SRGAP1: variants seen among roughly 807,000 people sequenced by gnomAD.
The protein encoded by SRGAP1 is SLIT-ROBO Rho GTPase-activating protein 1.
Under a neutral mutation model 121.9 loss-of-function variants are expected in SRGAP1, and 43 were observed. The observed-to-expected ratio is 0.35, with a 90% CI of 0.28 to 0.46. The LOEUF is 0.46. Ranked by LOEUF, SRGAP1 falls within the 20% of genes least tolerant of loss-of-function variation. The pLI is 1.00. For missense variants in SRGAP1, 1,102 were observed against 1,350.9 expected (o/e 0.82, Z 2.89); for synonymous variants, 447 against 485.4 (o/e 0.92, Z 1.04).
chr12:64,108,087 A>G (rs2036374757), intron 15 of SRGAP1, among the ~76,000 whole-genome samples: 1 of 152,218 alleles, frequency 6.6e-6, no homozygotes, highest in Non-Finnish European at 1.5e-5. Flanking sequence ...TGCCTACTGC[A>G]AAGTTTATTA....
intron 1 of SRGAP1, among the ~76,000 whole-genome samples, chr12:63,900,566 A>G (rs1277739037): frequency 6.6e-6 from 1 of 151,888 alleles, no homozygotes; most frequent in African/African-American, 2.4e-5. Context: ...TAATCGCAGC[A>G]CTTTGGGAGG....
intron 11 of SRGAP1, among the ~76,000 whole-genome samples, chr12:64,089,737 A>T (rs2036013321): frequency 2.0e-5 from 3 of 152,136 alleles, no homozygotes; most frequent in Admixed American, 2.0e-4. Context: ...ACACTTGCAA[A>T]GGCTTCTTTT....
At chr12:63,990,685 G>T (rs902557885) in intron 3 of SRGAP1, among the ~76,000 whole-genome samples, 3 of 152,180 alleles carry the variant, frequency 2.0e-5, no homozygotes, top group African/African-American at 4.8e-5. Context: ...AGATGTTCCT[G>T]CAAATTGTAC....
chr12:64,140,669 TG>T lies in SRGAP1; in HGVS notation c.2881-1624del, dbSNP rs1311445801. The stretch of plus-strand genomic sequence containing the variant: ...AGAAATAGGAACACTTTTACACTGT[TG>T]GTGGGACTGTAAACTAGTTCAACCA... On this transcript the variant is annotated intron_variant, in intron 21 of 21. Transcript: ENST00000355086. Among the ~76,000 whole-genome samples the T allele has an allele frequency of 2.1e-3, 299 of 140,130 alleles. 3 individuals carry two copies. The Middle Eastern group carries it at 0.029, about 14-fold the overall frequency. 91.9% of individuals were successfully genotyped at this position (140,130 alleles called of 152,430 possible).
At chr12:64,017,062 G>T in intron 4 of SRGAP1, 50 bp downstream of exon 4, 1 of 1,130,622 alleles carries the variant, frequency 8.8e-7, no homozygotes, top group South Asian at 1.4e-5. Flanking sequence ...TTAGAATTCT[G>T]GTTTGTAAAA....
At chr12:63,982,108 G>A (rs1161228900) in intron 1 of SRGAP1, among the ~76,000 whole-genome samples, 2 of 152,126 alleles carry the variant, frequency 1.3e-5, no homozygotes, top group Non-Finnish European at 2.9e-5. Context: ...AGCTACTCGA[G>A]GCTGAGACAG....
At chr12:63,846,222 A>G (rs17099873) in intron 1 of SRGAP1, among the ~76,000 whole-genome samples, 11,496 of 152,198 alleles carry the variant, frequency 0.076, 506 homozygotes, top group East Asian at 0.15. Context: ...TTTCATTGCT[A>G]TGGAAGTTGT....
intron 1 of SRGAP1, among the ~76,000 whole-genome samples, chr12:63,888,830 A>C (rs1487958516): frequency 6.6e-6 from 1 of 152,188 alleles, no homozygotes; most frequent in Non-Finnish European, 1.5e-5. Context: ...TGTATGGCTC[A>C]TGGCAGGACA....
chr12:63,901,640 G>T (rs1427682430), intron 1 of SRGAP1, among the ~76,000 whole-genome samples: 1 of 152,124 alleles, frequency 6.6e-6, no homozygotes, highest in Non-Finnish European at 1.5e-5. Context: ...TTTGTTTTTA[G>T]TCATACCTCC....
At chr12:63,887,052 T>C (rs1393338061) in intron 1 of SRGAP1, among the ~76,000 whole-genome samples, 4 of 152,030 alleles carry the variant, frequency 2.6e-5, no homozygotes, top group Admixed American at 2.6e-4. Flanking sequence ...TTTTGTATTT[T>C]TAGTAGAGAT....
chr12:64,133,477 G>A (rs112107217), intron 21 of SRGAP1, among the ~76,000 whole-genome samples: 4,711 of 152,232 alleles, frequency 0.031, 255 homozygotes, highest in African/African-American at 0.11. Flanking sequence ...GCACCACAAC[G>A]ACATTTTGGG....
intron 2 of SRGAP1, among the ~76,000 whole-genome samples, chr12:63,987,739 TAAA>T (rs1194023653): frequency 1.1e-3 from 171 of 151,900 alleles, no homozygotes; most frequent in African/African-American, 4.0e-3. Context: ...TAAAAATAAA[TAAA>T]AAGAAGATAC....
rs1406918609 is a variant in SRGAP1, at chr12:64,128,024, C to T, written c.2704C>T (p.Leu902Phe). The change falls in exon 21 of 22, where the codon CTC becomes TTC. Residue 902 changes from leucine (L) to phenylalanine (F), a missense_variant. By Grantham distance (22) the Leu-to-Phe change is conservative. Around this residue, in one of 3 missense-constraint regions of SRGAP1, gnomAD observed 315 missense variants for 343.1 expected, o/e 0.92. Coordinates refer to ENST00000355086, the MANE Select transcript of SRGAP1 (RefSeq NM_020762.4). ...CCGGGGCCTGCTGCAGAACCGTGGC[C>T]TCAACAATGACAGTCCTGAGCGGAG... ...HPRGLLQNRGLNNDSPERRRR... is the reference protein window; with the variant it reads ...HPRGLLQNRGFNNDSPERRRR... 1.2e-6 allele frequency: 2 copies of T among 1,614,066 alleles called. No homozygotes were observed. Among genetic ancestry groups the T allele is most frequent in the African/African-American group, 2.7e-5 (2 of 74,930 alleles).
intron 1 of SRGAP1, among the ~76,000 whole-genome samples, chr12:63,890,531 T>C (rs1205312237): frequency 1.3e-5 from 2 of 152,198 alleles, no homozygotes; most frequent in Non-Finnish European, 2.9e-5. Flanking sequence ...ATTGAAGCTA[T>C]TTACAGGAAT....
chr12:64,048,798 C>T (rs1469845362), intron 6 of SRGAP1, among the ~76,000 whole-genome samples: 1 of 152,112 alleles, frequency 6.6e-6, no homozygotes, highest in African/African-American at 2.4e-5. Flanking sequence ...ATTTGTATGT[C>T]ATCTTTTGAG....
At chr12:63,951,849 T>A (rs2032308415) in intron 1 of SRGAP1, among the ~76,000 whole-genome samples, 1 of 152,180 alleles carries the variant, frequency 6.6e-6, no homozygotes, top group Non-Finnish European at 1.5e-5. Flanking sequence ...TAACTGATAG[T>A]CTTACATAAC....
chr12:63,847,520 G>A (rs1459061971), intron 1 of SRGAP1, among the ~76,000 whole-genome samples: 4 of 151,952 alleles, frequency 2.6e-5, no homozygotes, highest in Non-Finnish European at 5.9e-5. Flanking sequence ...TTGGGAGACC[G>A]AGGTGGGCGG....
chr12:64,017,113 A>G (rs2034424028), intron 4 of SRGAP1, 101 bp downstream of exon 4: 5 of 678,028 alleles, frequency 7.4e-6, no homozygotes, highest in Admixed American at 5.3e-5. Context: ...CAGAGTGACA[A>G]TGGATCCTCA....
chr12:63,846,904 C>G (rs1177512807), intron 1 of SRGAP1, among the ~76,000 whole-genome samples: 1 of 152,192 alleles, frequency 6.6e-6, no homozygotes, highest in Non-Finnish European at 1.5e-5. Context: ...GAGTGGGAGA[C>G]AAATAACAGA....
Sources: gnomAD v4.1 joint callset for allele counts (sites outside exome capture counted in the v4.1 genomes callset) on GRCh38, gnomAD v4.1.1 for gene constraint, gnomAD v4.1.1 regional missense constraint, MANE v1.5 for transcripts, NCBI Gene and HGNC (gene_info 2026-07-23, HGNC 2026-07-21) for gene names.